Variants in MFHAS1 observed in about 807,000 individuals in gnomAD.
The protein encoded by MFHAS1 is multifunctional ROCO family signaling regulator 1.
A neutral mutation model predicts 70.4 loss-of-function variants in MFHAS1; 50 were observed. The ratio of observed to expected loss-of-function variants is 0.71; its 90% CI spans 0.57 to 0.90. The LOEUF (loss-of-function observed/expected upper bound fraction) is 0.90. Ranked by LOEUF, MFHAS1 falls within the 40% of genes least tolerant of loss-of-function variation. The pLI, the probability that MFHAS1 is intolerant of heterozygous loss-of-function variation, is 0.00. For missense variants in MFHAS1, 1,795 were observed against 1,347.6 expected (o/e 1.33, Z -5.20); for synonymous variants, 952 against 620.0 (o/e 1.54, Z -7.96).
Position 8,797,277 on chromosome 8 carries a change from T to C in MFHAS1, c.3125+88A>G, listed in dbSNP as rs954669765. The C allele has an allele frequency of 2.7e-6, 4 of 1,496,298 alleles. No individual in the cohort carries two copies. The African/African-American group carries it at 5.5e-5, about 21-fold the overall frequency. The allele number at this position is 1,496,298 out of a possible 1,614,324, so 92.7% of individuals were successfully genotyped here. The stretch of plus-strand genomic sequence containing the variant: ...GAGGACTTTGCAAGGTTTGTGCAGA[T>C]GCAGTTTAACCTGGATTTTTGTGGT... On this transcript the variant is annotated intron_variant, in intron 2 of 2. Transcript: ENST00000276282.
chr8:8,799,691 G>C (rs932208477), intron 1 of MFHAS1, among the ~76,000 whole-genome samples: 1 of 152,202 alleles, frequency 6.6e-6, no homozygotes, highest in Non-Finnish European at 1.5e-5. Flanking sequence ...AGGAGGCAGA[G>C]GTTTCAGTGA....
rs962448091 is a variant in MFHAS1 at position 8,870,601 on chromosome 8, G to A, written c.2998+19460C>T. Among the ~76,000 whole-genome samples, 3 of 152,094 alleles carry A rather than the reference G, an allele frequency of 2.0e-5. No homozygotes were observed. In the East Asian group the frequency reaches 5.8e-4, roughly 29 times the overall value. ...CCCTGGTTTTACAGAAAGTCCCTAC[G>A]ACTCACCTCCCCTGGAGACCTCCCA... On this transcript the variant is annotated intron_variant, in intron 1 of 2. Transcript: ENST00000276282.
chr8:8,883,110 GC>G (rs1383788156), intron 1 of MFHAS1, among the ~76,000 whole-genome samples: 1 of 152,062 alleles, frequency 6.6e-6, no homozygotes, highest in Admixed American at 6.6e-5. Flanking sequence ...CCATGACTGT[GC>G]CACTGCACTC....
chr8:8,860,278 C>G (rs995821242), intron 1 of MFHAS1, among the ~76,000 whole-genome samples: 5 of 152,182 alleles, frequency 3.3e-5, no homozygotes, highest in Non-Finnish European at 7.4e-5. Flanking sequence ...CCAAAGATAA[C>G]AGACTGTGCT....
chr8:8,858,656 G>C (rs332029), intron 1 of MFHAS1, among the ~76,000 whole-genome samples: 2 of 151,862 alleles, frequency 1.3e-5, no homozygotes, highest in Non-Finnish European at 2.9e-5. Flanking sequence ...ATGGGGGGTT[G>C]GGTTCTAGGG....
rs569373373 is a variant in MFHAS1, at chr8:8,808,308, G to A, written c.2999-10817C>T. 1.1e-4 allele frequency among the ~76,000 whole-genome samples: 16 copies of A among 149,676 alleles called. 1 individual carries two copies. The highest frequency in any genetic ancestry group is 3.7e-4 in the African/African-American group (15 of 40,656). Reference sequence around the variant, plus strand: ...TGCCCAGTGTCCCCACACTGTAGACGCTCCCCTGGGAACCCTCCTCTGCCC... The same window carrying A: ...TGCCCAGTGTCCCCACACTGTAGACACTCCCCTGGGAACCCTCCTCTGCCC... On this transcript the variant is annotated intron_variant, in intron 1 of 2. Coordinates refer to ENST00000276282, the MANE Select transcript of MFHAS1 (RefSeq NM_004225.3).
intron 2 of MFHAS1, among the ~76,000 whole-genome samples, chr8:8,796,576 C>T (rs1354195825): frequency 4.2e-5 from 6 of 143,684 alleles, no homozygotes; most frequent in African/African-American, 1.0e-4. Flanking sequence ...CCCAGCTACT[C>T]GGGAGGCTGA....
intron 2 of MFHAS1, among the ~76,000 whole-genome samples, chr8:8,797,112 A>G (rs1037152511): frequency 6.6e-6 from 1 of 151,640 alleles, no homozygotes; most frequent in African/African-American, 2.4e-5. Flanking sequence ...ACATCTCAAA[A>G]AGGCTGTTAA....
intron 1 of MFHAS1, among the ~76,000 whole-genome samples, chr8:8,875,719 T>A (rs912326362): frequency 3.7e-4 from 56 of 152,206 alleles, no homozygotes; most frequent in African/African-American, 1.3e-3. Flanking sequence ...GCCTCCTGAG[T>A]AGCTGGGATT....
At chr8:8,850,663 T>C (rs1030060971) in intron 1 of MFHAS1, among the ~76,000 whole-genome samples, 5 of 152,094 alleles carry the variant, frequency 3.3e-5, no homozygotes, top group African/African-American at 1.2e-4. Flanking sequence ...GGCAAAACCC[T>C]GTCTCTACTA....
In MFHAS1 at chr8:8,892,752, G is replaced by A. The variant is rs1810126738; in HGVS notation, c.307C>T (p.Pro103Ser). ...VLRRNRFARL[P>S]PAVAELGHHL... Reference sequence around the variant, plus strand: ...TGGCCGAGCTCGGCCACCGCCGGGGGCAGCCGGGCGAAGCGGTTCCTGCGC... The same window carrying A: ...TGGCCGAGCTCGGCCACCGCCGGGGACAGCCGGGCGAAGCGGTTCCTGCGC... The change falls in exon 1 of 3, where the codon CCC becomes TCC. Residue 103 changes from proline (P) to serine (S), a missense_variant. Pro to Ser is a moderately conservative substitution (Grantham distance 74). Transcript: ENST00000276282. The surrounding 1 kb of genome is among the most constrained non-coding windows in gnomAD (Gnocchi z 4.7). The A allele has an allele frequency of 1.3e-6, 2 of 1,576,210 alleles. No homozygotes were observed. The highest frequency in any genetic ancestry group is 1.4e-5 in the African/African-American group (1 of 73,872).
At position 8,816,271 on chromosome 8, in the gene MFHAS1, G is replaced by A. The variant is rs563074888; in HGVS notation, c.2999-18780C>T. On this transcript the variant is annotated intron_variant, in intron 1 of 2. Transcript: ENST00000276282. The stretch of plus-strand genomic sequence containing the variant: ...GTATATATCAAAATCTATCAAATTG[G>A]ACCCTCAACTATGCATTTTTCTGTG... Among the ~76,000 whole-genome samples the A allele has an allele frequency of 2.6e-5, 4 of 152,150 alleles. No individual in the cohort carries two copies. The South Asian group carries it at 8.3e-4, about 32-fold the overall frequency.
chr8:8,873,790 G>A (rs1018328802), intron 1 of MFHAS1, among the ~76,000 whole-genome samples: 2 of 152,202 alleles, frequency 1.3e-5, no homozygotes, highest in Non-Finnish European at 2.9e-5. Context: ...TTGAGTCAAT[G>A]AGATACAGTT....
At chr8:8,867,996 C>T (rs999088589) in intron 1 of MFHAS1, among the ~76,000 whole-genome samples, 3 of 152,168 alleles carry the variant, frequency 2.0e-5, no homozygotes, top group African/African-American at 7.2e-5. Flanking sequence ...CATGGCCCCA[C>T]TCAGTTGGAA....
intron 1 of MFHAS1, among the ~76,000 whole-genome samples, chr8:8,823,696 G>T (rs1044209180): frequency 6.6e-6 from 1 of 150,398 alleles, no homozygotes; most frequent in African/African-American, 2.4e-5. Context: ...CCCGTCTTCA[G>T]TCTTTGACAC....
intron 1 of MFHAS1, among the ~76,000 whole-genome samples, chr8:8,858,220 A>T (rs1349602473): frequency 6.6e-6 from 1 of 152,204 alleles, no homozygotes; most frequent in Non-Finnish European, 1.5e-5. Flanking sequence ...AGTGCCCACT[A>T]CATGCCAAGC....
chr8:8,797,839 C>T (rs752579973), intron 1 of MFHAS1, among the ~76,000 whole-genome samples: 1 of 152,126 alleles, frequency 6.6e-6, no homozygotes, highest in Non-Finnish European at 1.5e-5. Context: ...GTCCCCAGAG[C>T]CCACCGAAGC....
intron 1 of MFHAS1, among the ~76,000 whole-genome samples, chr8:8,884,009 G>A (rs1809644784): frequency 6.8e-6 from 1 of 147,092 alleles, no homozygotes; most frequent in South Asian, 2.2e-4. Context: ...ACCAGCTTGG[G>A]CAACATAAAA....
At chr8:8,843,006 C>T (rs921286465) in intron 1 of MFHAS1, among the ~76,000 whole-genome samples, 1 of 152,154 alleles carries the variant, frequency 6.6e-6, no homozygotes, top group African/African-American at 2.4e-5. Context: ...TGGCTCACGC[C>T]TGTAATCCCA....
Sources: allele counts gnomAD v4.1 joint callset (sites outside exome capture counted in the v4.1 genomes callset), GRCh38; gene constraint gnomAD v4.1.1; non-coding constraint Gnocchi (gnomAD v3.1); transcripts MANE v1.5; gene names NCBI Gene and HGNC (gene_info 2026-07-23, HGNC 2026-07-21).